PCDHA10: variants seen among roughly 807,000 people sequenced by gnomAD.
PCDHA10 encodes the protein protocadherin alpha-10.
PCDHA10 carries 45 observed loss-of-function variants against 61.2 expected under a neutral mutation model. The ratio of observed to expected loss-of-function variants is 0.74; its 90% confidence interval spans 0.58 to 0.94. PCDHA10 has a LOEUF of 0.94. PCDHA10 is among the 40% of genes least tolerant of loss of function. The probability of loss-of-function intolerance (pLI) is 0.00; values close to 1 mark genes in which losing one functional copy is unlikely to be tolerated. For synonymous variants in PCDHA10, 602 were observed against 548.8 expected (o/e 1.10, Z -1.35); for missense variants, 1,278 against 1,236.2 (o/e 1.03, Z -0.51).
chr5:140,995,543 G>A (rs1243799532), intron 3 of PCDHA10, among the ~76,000 whole-genome samples: 1 of 152,144 alleles, frequency 6.6e-6, no homozygotes, highest in Non-Finnish European at 1.5e-5. Context: ...AATAAGGGGC[G>A]ATCACTGTAC....
In PCDHA10 at chr5:140,856,939, G is replaced by A. The variant is rs1554149308; in HGVS notation, c.891G>A (p.Arg297=). ...TIRRKFWINE[R]TGEIKVNDAI... The stretch of plus-strand genomic sequence containing the variant: ...GAAGGAAATTTTGGATAAACGAAAG[G>A]ACGGGAGAAATAAAAGTAAATGATG... Residue 297 remains arginine (R), a synonymous_variant, in exon 1 of 4, where the codon AGG becomes AGA. Coordinates refer to ENST00000307360, the MANE Select transcript of PCDHA10 (RefSeq NM_018901.4). 1.9e-6 allele frequency: 3 copies of A among 1,593,866 alleles called. No homozygotes were observed. The East Asian group carries it at 6.7e-5, about 36-fold the overall frequency.
intron 1 of PCDHA10, among the ~76,000 whole-genome samples, chr5:140,958,951 A>C (rs1212039253): frequency 6.6e-6 from 1 of 151,992 alleles, no homozygotes; most frequent in Non-Finnish European, 1.5e-5. Flanking sequence ...ATATTATATT[A>C]TTATAATTGT....
Position 140,877,703 on chromosome 5 carries a change from C to T in PCDHA10, c.2388+19267C>T, listed in dbSNP as rs781946062. On this transcript the variant is annotated intron_variant, in intron 1 of 3. Coordinates refer to ENST00000307360, the MANE Select transcript of PCDHA10 (RefSeq NM_018901.4). ...AAGCCCACGCTGGTGTGCTCCAGCG[C>T]CGTGGGGAGTTGGTCTTACTCGCAG... 4 of 1,613,986 alleles carry T rather than the reference C, an allele frequency of 2.5e-6. No individual in the cohort carries two copies. In the East Asian group the frequency reaches 8.9e-5, roughly 36 times the overall value.
At chr5:140,864,027 G>A (rs2048287135) in intron 1 of PCDHA10, 1 of 152,794 alleles carries the variant, frequency 6.5e-6, no homozygotes, top group Non-Finnish European at 1.5e-5. Flanking sequence ...TGGAAGTCTA[G>A]CCATCTTAAT....
intron 1 of PCDHA10, chr5:140,875,574 C>A (rs368911944): frequency 2.2e-5 from 35 of 1,613,978 alleles, no homozygotes; most frequent in East Asian, 6.7e-5. Context: ...TCCACTACTC[C>A]GTCTACGAGG....
chr5:140,978,791 A>T (rs1443899144), intron 1 of PCDHA10, 158 bp from the exon 2 acceptor site: 1 of 976,042 alleles, frequency 1.0e-6, no homozygotes, highest in South Asian at 4.7e-5. Flanking sequence ...AAAGTGCTAT[A>T]TATGTAGATA....
intron 1 of PCDHA10, chr5:140,884,328 T>C: frequency 1.2e-6 from 2 of 1,613,822 alleles, no homozygotes; most frequent in Non-Finnish European, 1.7e-6. Flanking sequence ...GCAGGCGCTG[T>C]GGGTCCAGAA....
intron 1 of PCDHA10, chr5:140,876,017 T>TAAAAAC (rs782503573): frequency 2.3e-5 from 37 of 1,613,124 alleles, no homozygotes; most frequent in Non-Finnish European, 2.8e-5. Context: ...GAGCTTAAAA[T>TAAAAAC]AAAAACAAAA....
intron 1 of PCDHA10, among the ~76,000 whole-genome samples, chr5:140,903,228 C>T (rs1417505177): frequency 1.3e-5 from 2 of 152,112 alleles, no homozygotes; most frequent in Non-Finnish European, 2.9e-5. Flanking sequence ...ACATCTATTA[C>T]TTTTTGATTT....
chr5:140,960,134 A>G (rs1480555997), intron 1 of PCDHA10, among the ~76,000 whole-genome samples: 10 of 152,232 alleles, frequency 6.6e-5, no homozygotes, highest in African/African-American at 2.2e-4. Context: ...TGAAATACTT[A>G]GATATTAATA....
chr5:140,976,466 G>C (rs1404890940), intron 1 of PCDHA10, among the ~76,000 whole-genome samples: 1 of 152,104 alleles, frequency 6.6e-6, no homozygotes, highest in African/African-American at 2.4e-5. Flanking sequence ...AAGAAGAATT[G>C]CTTGAATCCG....
chr5:140,874,321 T>C (rs1476462736), intron 1 of PCDHA10, among the ~76,000 whole-genome samples: 2 of 151,726 alleles, frequency 1.3e-5, no homozygotes, highest in Non-Finnish European at 2.9e-5. Flanking sequence ...TGTAGGATCT[T>C]ATCTGTTTTT....
chr5:140,903,525 C>T (rs1322141732), intron 1 of PCDHA10, among the ~76,000 whole-genome samples: 1 of 152,164 alleles, frequency 6.6e-6, no homozygotes, highest in African/African-American at 2.4e-5. Context: ...GTGTTGTTCA[C>T]TTTAAACTAG....
intron 1 of PCDHA10, among the ~76,000 whole-genome samples, chr5:140,942,639 G>C (rs923095335): frequency 1.3e-5 from 2 of 151,806 alleles, no homozygotes; most frequent in African/African-American, 2.4e-5. Flanking sequence ...AATGGCAAAA[G>C]AGATCTCATT....
intron 1 of PCDHA10, among the ~76,000 whole-genome samples, chr5:140,900,706 A>G (rs1279378955): frequency 6.6e-6 from 1 of 152,154 alleles, no homozygotes; most frequent in Admixed American, 6.5e-5. Flanking sequence ...GTTCTTTTGG[A>G]AAGAAAGGAA....
chr5:140,964,305 A>T (rs1163722863), intron 1 of PCDHA10, among the ~76,000 whole-genome samples: 1 of 152,246 alleles, frequency 6.6e-6, no homozygotes, highest in African/African-American at 2.4e-5. Flanking sequence ...AATACCTACA[A>T]GGCCTAAAAC....
intron 1 of PCDHA10, chr5:140,863,385 G>C: frequency 9.7e-7 from 1 of 1,030,864 alleles, no homozygotes; most frequent in Non-Finnish European, 1.4e-6. Context: ...CCGAGAGCTC[G>C]TGCATGCCGG....
intron 1 of PCDHA10, chr5:140,929,129 C>A (rs1206531954): frequency 6.2e-7 from 1 of 1,614,052 alleles, no homozygotes; most frequent in East Asian, 2.2e-5. Context: ...GATGTCACTA[C>A]AGTTGAGAGA....
intron 1 of PCDHA10, chr5:140,967,284 A>C: frequency 6.2e-7 from 1 of 1,613,190 alleles, no homozygotes. Context: ...GAGAGTGCGC[A>C]GGACCCCGAC....
Sources: allele counts gnomAD v4.1 joint callset (sites outside exome capture counted in the v4.1 genomes callset), GRCh38; gene constraint gnomAD v4.1.1; transcripts MANE v1.5; gene names NCBI Gene and HGNC (gene_info 2026-07-23, HGNC 2026-07-21).